The following SYN3 variants were observed in gnomAD, a reference collection of about 807,000 sequenced individuals.
SYN3 encodes synapsin III, also known as synapsin-3.
Under a neutral mutation model 65.8 loss-of-function variants are expected in SYN3, and 35 were observed. The observed-to-expected ratio is 0.53, with a 90% CI of 0.41 to 0.70. SYN3 has a LOEUF of 0.70. Among genes scored for constraint, SYN3 ranks in the 30% least tolerant of loss-of-function variants. The pLI is 0.00. For missense variants in SYN3, 680 were observed against 749.0 expected, an observed-to-expected ratio of 0.91 and a Z score of 1.08; for synonymous variants, 270 against 292.9, an observed-to-expected ratio of 0.92 and a Z score of 0.80.
intron 4 of SYN3, among the ~76,000 whole-genome samples, chr22:32,905,970 G>A (rs559842142): frequency 6.6e-6 from 1 of 152,298 alleles, no homozygotes; most frequent in African/African-American, 2.4e-5. Flanking sequence ...CATTGGCAGA[G>A]CCCTGGATAT....
chr22:32,535,781 C>CGGGG (rs370373433), intron 9 of SYN3, among the ~76,000 whole-genome samples: 30 of 147,104 alleles, frequency 2.0e-4, no homozygotes, highest in African/African-American at 7.5e-4. Context: ...CTTGGAGAAT[C>CGGGG]GGGGGGGGGG....
At chr22:32,974,767 A>T (rs1293675699) in intron 3 of SYN3, among the ~76,000 whole-genome samples, 1 of 152,178 alleles carries the variant, frequency 6.6e-6, no homozygotes, top group Non-Finnish European at 1.5e-5. Context: ...TAGCAATCTC[A>T]ACTGTAGTTT....
At chr22:32,796,676 T>C (rs1167166178) in intron 6 of SYN3, among the ~76,000 whole-genome samples, 1 of 152,014 alleles carries the variant, frequency 6.6e-6, no homozygotes, top group Non-Finnish European at 1.5e-5. Flanking sequence ...ATTTTGAATA[T>C]AATGACTTTC....
intron 1 of SYN3, among the ~76,000 whole-genome samples, chr22:33,037,985 A>G (rs2053889812): frequency 6.6e-6 from 1 of 152,044 alleles, no homozygotes; most frequent in Admixed American, 6.5e-5. Flanking sequence ...TAAAATAAGA[A>G]TGCATGAAGT....
At chr22:32,580,815 G>C (rs2058928745) in intron 7 of SYN3, among the ~76,000 whole-genome samples, 1 of 152,170 alleles carries the variant, frequency 6.6e-6, no homozygotes, top group Non-Finnish European at 1.5e-5. Flanking sequence ...GCCTCAAATA[G>C]GTAGCATCTG....
At chr22:32,708,844 C>G (rs1007245407) in intron 6 of SYN3, among the ~76,000 whole-genome samples, 2 of 152,230 alleles carry the variant, frequency 1.3e-5, no homozygotes, top group Non-Finnish European at 2.9e-5. Flanking sequence ...CCTCACGGGG[C>G]CCTTGAGCCA....
intron 6 of SYN3, among the ~76,000 whole-genome samples, chr22:32,597,507 C>T (rs548198949): frequency 1.3e-5 from 2 of 152,194 alleles, no homozygotes; most frequent in South Asian, 2.1e-4. Context: ...TGAGCCACCG[C>T]GCCTGGCCCA....
At chr22:32,724,782 A>C (rs1278741845) in intron 6 of SYN3, among the ~76,000 whole-genome samples, 6 of 152,148 alleles carry the variant, frequency 3.9e-5, no homozygotes, top group Admixed American at 6.6e-5. Context: ...CATCCTGAAA[A>C]ACCTGGCCCC....
intron 7 of SYN3, among the ~76,000 whole-genome samples, chr22:32,580,255 A>G (rs74583379): frequency 0.023 from 3,485 of 152,332 alleles, 115 homozygotes; most frequent in African/African-American, 0.079. Context: ...ATGGGTTAAG[A>G]AGAGTTTTCA....
chr22:32,772,166 T>C (rs2045786800), intron 6 of SYN3, among the ~76,000 whole-genome samples: 1 of 152,072 alleles, frequency 6.6e-6, no homozygotes, highest in East Asian at 1.9e-4. Flanking sequence ...TCCCTGAGGA[T>C]AGTGCTGGGC....
At chr22:32,812,721 G>A (rs73885108) in intron 6 of SYN3, among the ~76,000 whole-genome samples, 3,205 of 152,298 alleles carry the variant, frequency 0.021, 117 homozygotes, top group African/African-American at 0.073. Context: ...ATGAACACAT[G>A]TGTGATCTGA....
At chr22:32,868,381 T>C (rs866685313) in intron 5 of SYN3, among the ~76,000 whole-genome samples, 2 of 151,430 alleles carry the variant, frequency 1.3e-5, no homozygotes, top group African/African-American at 2.4e-5. Flanking sequence ...ATATATCATA[T>C]ATTACATGTA....
At chr22:32,684,625 T>TA (rs2147126829) in intron 6 of SYN3, among the ~76,000 whole-genome samples, 1 of 152,304 alleles carries the variant, frequency 6.6e-6, no homozygotes, top group Non-Finnish European at 1.5e-5. Context: ...AGCATTGAAT[T>TA]AGGATTCCCC....
At chr22:32,541,825 C>G in intron 7 of SYN3, 112 bp from the exon 8 acceptor site, 3 of 1,294,892 alleles carry the variant, frequency 2.3e-6, no homozygotes, top group East Asian at 2.5e-5. Context: ...CAGAAGGTCA[C>G]CTGCTGGCAG....
At chr22:33,017,510 A>T (rs1224190344) in intron 1 of SYN3, among the ~76,000 whole-genome samples, 3 of 152,192 alleles carry the variant, frequency 2.0e-5, no homozygotes, top group African/African-American at 7.2e-5. Context: ...AACACGGGAT[A>T]CCTTTCCATT....
chr22:32,554,956 G>A (rs1699100508), intron 7 of SYN3, among the ~76,000 whole-genome samples: 1 of 152,216 alleles, frequency 6.6e-6, no homozygotes, highest in Non-Finnish European at 1.5e-5. Flanking sequence ...AGCATTCAAT[G>A]AGATACTACA....
intron 1 of SYN3, among the ~76,000 whole-genome samples, chr22:33,036,761 G>A (rs1223699014): frequency 5.2e-5 from 7 of 135,764 alleles, no homozygotes; most frequent in Non-Finnish European, 1.1e-4. Context: ...CCGCGATCTC[G>A]GCCCACCACA....
rs917841781 is a variant in SYN3 at position 32,669,767 on chromosome 22, G to A, written c.712-73031C>T. Among the ~76,000 whole-genome samples, 4 of 152,292 alleles carry A rather than the reference G, an allele frequency of 2.6e-5. No individual in the cohort carries two copies. In the South Asian group the frequency reaches 8.3e-4, roughly 32 times the overall value. ...GATTATGTTCTGGTAAGATTTAAGT[G>A]GAAGTGTCATCTGATAACTGCTGGG... On this transcript the variant is annotated intron_variant, in intron 6 of 13. Coordinates refer to ENST00000358763, the MANE Select transcript of SYN3 (RefSeq NM_003490.4).
intron 6 of SYN3, among the ~76,000 whole-genome samples, chr22:32,756,937 G>GT (rs1259398028): frequency 6.6e-6 from 1 of 152,148 alleles, no homozygotes; most frequent in Non-Finnish European, 1.5e-5. Context: ...AATGCCAGAA[G>GT]TAGGATTGCC....
Sources: gnomAD v4.1 joint callset for allele counts (sites outside exome capture counted in the v4.1 genomes callset) on GRCh38, gnomAD v4.1.1 for gene constraint, MANE v1.5 for transcripts, NCBI Gene and HGNC (gene_info 2026-07-23, HGNC 2026-07-21) for gene names.